Variants in C20orf203 observed in about 807,000 individuals in gnomAD.
C20orf203 encodes chromosome 20 open reading frame 203, also known as uncharacterized protein C20orf203.
A neutral mutation model predicts 15.9 loss-of-function variants in C20orf203; 16 were observed. The observed-to-expected ratio is 1.01, with a 90% CI of 0.68 to 1.53. The LOEUF is 1.53. Ranked by LOEUF, C20orf203 falls within the 40% of genes most tolerant of loss-of-function variation. The pLI is 0.00. For synonymous variants in C20orf203, 98 were observed against 97.2 expected (o/e 1.01, Z -0.05); for missense variants, 263 against 247.5 (o/e 1.06, Z -0.42).
rs1413823693 is a variant in C20orf203, at chr20:32,647,327, G to A, written c.*1177+1928C>T. 7.2e-5 allele frequency among the ~76,000 whole-genome samples: 11 copies of A among 151,962 alleles called. No homozygotes were observed. In the East Asian group the frequency reaches 1.2e-3, roughly 16 times the overall value. ...GGAGAACTGCTTGAACCTGGGAGGC[G>A]GAGGTTGCAGTGAGCCGAGATCCTG... On this transcript the variant is annotated intron_variant, in intron 4 of 5. Coordinates refer to ENST00000608990, the MANE Select transcript of C20orf203 (RefSeq NM_182584.4).
At chr20:32,643,660 C>G (rs1006619961) in intron 4 of C20orf203, among the ~76,000 whole-genome samples, 1 of 117,388 alleles carries the variant, frequency 8.5e-6, no homozygotes, top group Non-Finnish European at 2.1e-5. Flanking sequence ...CACACACACA[C>G]ACACACACAC....
At chr20:32,644,449 AAAACCAAAAC>A (rs1013724486) in intron 4 of C20orf203, among the ~76,000 whole-genome samples, 13 of 152,274 alleles carry the variant, frequency 8.5e-5, no homozygotes, top group African/African-American at 2.2e-4. Flanking sequence ...CTCCATCTCT[AAAACCAAAAC>A]AAACCAAAAC....
At chr20:32,660,018 C>T (rs543481447) in intron 1 of C20orf203, among the ~76,000 whole-genome samples, 101 of 152,260 alleles carry the variant, frequency 6.6e-4, no homozygotes, top group African/African-American at 2.3e-3. Flanking sequence ...TATGCCAGCG[C>T]ATTTGCTCTT....
At chr20:32,636,482 G>T (rs539932267) in intron 5 of C20orf203, among the ~76,000 whole-genome samples, 1 of 152,124 alleles carries the variant, frequency 6.6e-6, no homozygotes, top group Non-Finnish European at 1.5e-5. Context: ...ACAGCAAAGC[G>T]CTGGCCTTTC....
Position 32,650,553 on chromosome 20 carries a change from A to T in C20orf203, c.464T>A (p.Leu155Gln), listed in dbSNP as rs1982582398. ...CTGGAAACATGTTGAGGTCCAGGCCAGCGAGGACAGAGCTTGGCCAAAGTC... is the reference window on the plus strand; with the variant it reads ...CTGGAAACATGTTGAGGTCCAGGCCTGCGAGGACAGAGCTTGGCCAAAGTC... Reference protein sequence around the residue: ...VGDFGQALSSLAWTSTCFQDF... With the variant: ...VGDFGQALSSQAWTSTCFQDF... The change falls in exon 4 of 6, where the codon CTG becomes CAG. Residue 155 changes from leucine (L) to glutamine (Q), a missense_variant. Coordinates refer to ENST00000608990, the MANE Select transcript of C20orf203 (RefSeq NM_182584.4). The T allele has an allele frequency of 1.3e-6, 2 of 1,549,294 alleles. No homozygotes were observed. Among genetic ancestry groups the T allele is most frequent in the African/African-American group, 1.4e-5 (1 of 73,024 alleles).
intron 1 of C20orf203, among the ~76,000 whole-genome samples, chr20:32,660,447 C>T (rs919500586): frequency 2.0e-5 from 3 of 152,222 alleles, no homozygotes; most frequent in Non-Finnish European, 2.9e-5. Flanking sequence ...AGGGAGCTCA[C>T]ACCTTCGAGA....
chr20:32,652,740 G>C (rs995980315), intron 1 of C20orf203, among the ~76,000 whole-genome samples: 1 of 152,134 alleles, frequency 6.6e-6, no homozygotes, highest in African/African-American at 2.4e-5. Context: ...CCAGTTTGGG[G>C]GGCTTCCTGC....
intron 1 of C20orf203, among the ~76,000 whole-genome samples, chr20:32,664,832 T>C (rs1023217058): frequency 6.6e-6 from 1 of 152,156 alleles, no homozygotes; most frequent in Non-Finnish European, 1.5e-5. Flanking sequence ...CTGTGCCCCA[T>C]GGGTGCTGCA....
rs138207867 is a variant in C20orf203 at position 32,653,568 on chromosome 20, C to T, written c.-263-1587G>A. Reference sequence around the variant, plus strand: ...TGAGGGTGTAAACCAGCCAATCTTTCGGGGAGTTCTAAGAAGAGTGTTCCT... The same window carrying T: ...TGAGGGTGTAAACCAGCCAATCTTTTGGGGAGTTCTAAGAAGAGTGTTCCT... On this transcript the variant is annotated intron_variant, in intron 1 of 5. Transcript: ENST00000608990. 2.1e-3 allele frequency among the ~76,000 whole-genome samples: 321 copies of T among 152,214 alleles called. 2 individuals carry two copies. The highest frequency in any genetic ancestry group is 3.4e-3 in the Middle Eastern group (1 of 294).
At chr20:32,673,121 G>A (rs530072220) in intron 1 of C20orf203, among the ~76,000 whole-genome samples, 11 of 152,306 alleles carry the variant, frequency 7.2e-5, no homozygotes, top group Admixed American at 5.2e-4. Context: ...TGGGGCGGGT[G>A]AGGAGAGGAA....
intron 5 of C20orf203, 113 bp from the exon 6 acceptor site, chr20:32,634,383 G>A (rs1417111675): frequency 2.5e-6 from 1 of 395,738 alleles, no homozygotes; most frequent in Non-Finnish European, 4.4e-6. Context: ...AGAAGTGCAC[G>A]TTGTTCCTTA....
intron 1 of C20orf203, among the ~76,000 whole-genome samples, chr20:32,664,964 G>A (rs1169403409): frequency 2.0e-5 from 3 of 152,236 alleles, no homozygotes; most frequent in Non-Finnish European, 2.9e-5. Context: ...GACAGACTCC[G>A]GAGCTGCCCC....
At chr20:32,666,482 G>T (rs961941279) in intron 1 of C20orf203, among the ~76,000 whole-genome samples, 2 of 144,946 alleles carry the variant, frequency 1.4e-5, no homozygotes, top group African/African-American at 5.1e-5. Flanking sequence ...AAAAAAAAAA[G>T]TCCAGGCGCA....
chr20:32,648,288 C>T (rs1280725996), intron 4 of C20orf203, among the ~76,000 whole-genome samples: 1 of 152,084 alleles, frequency 6.6e-6, no homozygotes, highest in Non-Finnish European at 1.5e-5. Flanking sequence ...CCTGCCCTTC[C>T]CATCATTCAG....
intron 1 of C20orf203, among the ~76,000 whole-genome samples, chr20:32,652,265 G>A (rs1303836313): frequency 1.4e-5 from 2 of 145,852 alleles, no homozygotes; most frequent in East Asian, 2.0e-4. Flanking sequence ...AACTGAGATC[G>A]TGCCAGTGAG....
intron 1 of C20orf203, among the ~76,000 whole-genome samples, chr20:32,666,770 A>AG (rs1283559888): frequency 8.1e-6 from 1 of 123,622 alleles, no homozygotes; most frequent in Non-Finnish European, 1.8e-5. Context: ...CTCAAAAAAA[A>AG]AAAAAAAAGA....
At chr20:32,660,797 C>T (rs1477071440) in intron 1 of C20orf203, among the ~76,000 whole-genome samples, 1 of 152,152 alleles carries the variant, frequency 6.6e-6, no homozygotes, top group Non-Finnish European at 1.5e-5. Flanking sequence ...CCTCAGCAAA[C>T]TTACAATCAT....
At chr20:32,655,168 C>T (rs529146343) in intron 1 of C20orf203, among the ~76,000 whole-genome samples, 1 of 152,322 alleles carries the variant, frequency 6.6e-6, no homozygotes, top group African/African-American at 2.4e-5. Flanking sequence ...CTATAAAACT[C>T]TGAGAACATA....
At chr20:32,643,625 C>CCACA (rs56325748) in intron 4 of C20orf203, among the ~76,000 whole-genome samples, 337 of 140,832 alleles carry the variant, frequency 2.4e-3, no homozygotes, top group East Asian at 6.3e-3. Flanking sequence ...CTTCCTGGAA[C>CCACA]CACACACACA....
Sources: gnomAD v4.1 joint callset for allele counts (sites outside exome capture counted in the v4.1 genomes callset) on GRCh38, gnomAD v4.1.1 for gene constraint, MANE v1.5 for transcripts, NCBI Gene and HGNC (gene_info 2026-07-23, HGNC 2026-07-21) for gene names.